The following ALOX15 variants were observed in gnomAD, a reference collection of about 807,000 sequenced individuals.
ALOX15 encodes the protein arachidonate 15-lipoxygenase.
Under a neutral mutation model 71.7 loss-of-function variants are expected in ALOX15, and 68 were observed. The observed-to-expected ratio is 0.95, with a 90% CI of 0.78 to 1.16. The LOEUF (loss-of-function observed/expected upper bound fraction) is 1.16. ALOX15 is among the 50% of genes most tolerant of loss of function. ALOX15 has a pLI of 0.00. For synonymous variants in ALOX15, 346 were observed against 333.3 expected (o/e 1.04, Z -0.42); for missense variants, 798 against 818.8 (o/e 0.97, Z 0.31).
Position 4,638,120 on chromosome 17 carries a change from C to T in ALOX15, c.807+97G>A, listed in dbSNP as rs541989273. On this transcript the variant is annotated intron_variant, in intron 6 of 13. Transcript: ENST00000293761. ...TGCAGAATCCGTCCTTGCTGGCTGG[C>T]AGCAAGCCAGGCCCACAGTGGGTCC... 120 of 587,992 alleles carry T rather than the reference C, an allele frequency of 2.0e-4. 1 individual carries two copies. The South Asian group carries it at 2.4e-3, about 12-fold the overall frequency. 36.4% of individuals were successfully genotyped at this position (587,992 alleles called of 1,614,324 possible).
intron 1 of ALOX15, chr17:4,639,896 C>T (rs972125616): frequency 1.7e-5 from 7 of 421,106 alleles, no homozygotes; most frequent in Non-Finnish European, 2.9e-5. Context: ...CTGTGCCAAG[C>T]GCTGGGCTGA....
chr17:4,638,754 G>C lies in ALOX15; in HGVS notation c.543-70C>G, dbSNP rs73973323. On this transcript the variant is annotated intron_variant, in intron 4 of 13. Transcript: ENST00000293761. ...CTCTAACATGACGACCACAGGCACC[G>C]ATCCTGGGCCAGTCCAATGCAGTGC... The C allele has an allele frequency of 3.1e-6, 5 of 1,612,706 alleles. No individual in the cohort carries two copies. In the African/African-American group the frequency reaches 4.0e-5, roughly 13 times the overall value.
In ALOX15 at chr17:4,632,072, G is replaced by T; in HGVS notation, c.1642-16C>A. 1.2e-6 allele frequency: 2 copies of T among 1,609,710 alleles called. No individual in the cohort carries two copies. Among genetic ancestry groups the T allele is most frequent in the South Asian group, 1.1e-5 (1 of 90,664 alleles). On this transcript the variant is annotated splice_polypyrimidine_tract_variant and intron_variant, in intron 12 of 13. Coordinates refer to ENST00000293761, the MANE Select transcript of ALOX15 (RefSeq NM_001140.5). ...ACCAGTCCAGCTAAGGAAGGGCAGG[G>T]ATCCAGAGTCAGTGCCTACCAAGCA...
Position 4,631,598 on chromosome 17 carries a change from G to A in ALOX15, c.*2C>T, listed in dbSNP as rs976133157. The stretch of plus-strand genomic sequence containing the variant: ...GCTGAAATAACCAAAGGGTGGCGAC[G>A]CTTAGATGGCCACACTGTTTTCCAC... On this transcript the variant is annotated 3_prime_UTR_variant, in exon 14 of 14. Transcript: ENST00000293761. The A allele has an allele frequency of 1.2e-6, 2 of 1,612,504 alleles. No homozygotes were observed. Among genetic ancestry groups the A allele is most frequent in the Non-Finnish European group, 1.7e-6 (2 of 1,179,982 alleles).
chr17:4,638,433 C>T (rs1911189891), intron 5 of ALOX15, 56 bp from the exon 6 acceptor site: 1 of 774,258 alleles, frequency 1.3e-6, no homozygotes, highest in African/African-American at 1.6e-5. Context: ...GTCCTTCCAA[C>T]CCCACCAACC....
intron 4 of ALOX15, 80 bp downstream of exon 4, chr17:4,638,770 A>T: frequency 2.5e-6 from 4 of 1,613,040 alleles, no homozygotes; most frequent in Non-Finnish European, 3.4e-6. Flanking sequence ...GGGCCAGTCC[A>T]ATGCAGTGCA....
At chr17:4,640,411 C>T (rs1346629608) in intron 1 of ALOX15, among the ~76,000 whole-genome samples, 4 of 144,644 alleles carry the variant, frequency 2.8e-5, no homozygotes, top group African/African-American at 8.2e-5. Flanking sequence ...CTCCGGCGAC[C>T]GCAGTTTCCA....
In ALOX15 at chr17:4,631,539, A is replaced by C. The variant is rs916055; in HGVS notation, c.*61T>G. 35 of 1,588,222 alleles carry C rather than the reference A, an allele frequency of 2.2e-5. No homozygotes were observed. In the Admixed American group the frequency reaches 2.2e-4, roughly 10 times the overall value. On this transcript the variant is annotated 3_prime_UTR_variant, in exon 14 of 14. Transcript: ENST00000293761. Reference sequence around the variant, plus strand: ...GACTTGGGAGGGCAGGGCTATAACCACGAAGGGGTCAGCTTGTGGCTTGGG... The same window carrying C: ...GACTTGGGAGGGCAGGGCTATAACCCCGAAGGGGTCAGCTTGTGGCTTGGG...
rs750102405 is a variant in ALOX15 at position 4,641,608 on chromosome 17, T to C, written c.44A>G (p.Tyr15Cys). The change falls in exon 1 of 14, where the codon TAT becomes TGT. Residue 15 changes from tyrosine (Y) to cysteine (C), a missense_variant. Around this residue, in one of 3 missense-constraint regions of ALOX15, gnomAD observed 300 missense variants for 283.1 expected, o/e 1.06. Transcript: ENST00000293761. ...RIRVSTGASL[Y>C]AGSNNQVQLW... Reference sequence around the variant, plus strand: ...CTGCACCTGGTTGTTGGAACCGGCATAGAGCGAGGCCCCAGTGGACACGCG... The same window carrying C: ...CTGCACCTGGTTGTTGGAACCGGCACAGAGCGAGGCCCCAGTGGACACGCG... 1.2e-5 allele frequency: 19 copies of C among 1,613,736 alleles called. No homozygotes were observed. Among genetic ancestry groups the C allele is most frequent in the African/African-American group, 2.7e-5 (2 of 74,926 alleles).
Position 4,632,023 on chromosome 17 carries a change from A to T in ALOX15, c.1675T>A (p.Cys559Ser). ...GTTGGCGGGGGCAGCCGCATCGTGCAGGGTGCATTAGGCACCCAAGAGTAC... is the reference window on the plus strand; with the variant it reads ...GTTGGCGGGGGCAGCCGCATCGTGCTGGGTGCATTAGGCACCCAAGAGTAC... ...DWYSWVPNAP[C>S]TMRLPPPTTK... The change falls in exon 13 of 14, where the codon TGC (cysteine) becomes AGC (serine). Residue 559 changes from cysteine (C) to serine (S), a missense_variant. Physicochemically the swap from Cys to Ser is moderately radical, Grantham distance 112. This residue lies in a region of ALOX15 where 490 missense variants were observed against 509.4 expected (regional missense o/e 0.96). Coordinates refer to ENST00000293761, the MANE Select transcript of ALOX15 (RefSeq NM_001140.5). 6.2e-7 allele frequency: 1 copy of T among 1,613,060 alleles called. No individual in the cohort carries two copies. The highest frequency in any genetic ancestry group is 1.1e-5 in the South Asian group (1 of 90,920).
chr17:4,635,623 C>T, intron 8 of ALOX15, 136 bp downstream of exon 8: 1 of 842,030 alleles, frequency 1.2e-6, no homozygotes, highest in East Asian at 2.6e-5. Flanking sequence ...CCTGCTCATT[C>T]TCTGTTGCTC....
chr17:4,633,391 A>C, intron 9 of ALOX15, 23 bp downstream of exon 9: 1 of 1,613,006 alleles, frequency 6.2e-7, no homozygotes. Context: ...ACAGACCCAG[A>C]ATCTCCCTTT....
intron 8 of ALOX15, 78 bp from the exon 9 acceptor site, chr17:4,633,578 G>C: frequency 8.0e-7 from 1 of 1,251,570 alleles, no homozygotes. Context: ...GCTGACAGCA[G>C]GAAAGGCACC....
Position 4,635,856 on chromosome 17 carries a change from T to C in ALOX15, c.1064A>G (p.His355Arg), listed in dbSNP as rs148675878. The change falls in exon 8 of 14, where the codon CAT (histidine) becomes CGT (arginine). Residue 355 changes from histidine to arginine, a missense_variant. This residue lies in a region of ALOX15 where 490 missense variants were observed against 509.4 expected (regional missense o/e 0.96). Transcript: ENST00000293761. ...CWVRSSDFQL[H>R]ELQSHLLRGH... is the part of the protein sequence containing the mutation. ...CCTCAGAAGATGAGACTGCAGCTCA[T>C]GGAGCTGGAAGTCAGAGCTGCGCAC... The C allele has an allele frequency of 2.5e-5, 40 of 1,614,206 alleles. No individual in the cohort carries two copies. The African/African-American group carries it at 3.6e-4, about 15-fold the overall frequency.
Position 4,635,908 on chromosome 17 carries a change from T to C in ALOX15, c.1012A>G (p.Met338Val), listed in dbSNP as rs372512797. 9.3e-5 allele frequency: 150 copies of C among 1,614,050 alleles called. No individual in the cohort carries two copies. Among genetic ancestry groups the C allele is most frequent in the African/African-American group, 1.9e-4 (14 of 74,922 alleles). ...PPLFLPTDPP[M>V]AWLLAKCWVR... The stretch of plus-strand genomic sequence containing the variant: ...CAGCATTTGGCCAGAAGCCAGGCCA[T>C]TGGGGGATCCGTAGGCAAGAAAAGG... The change falls in exon 8 of 14, where the codon ATG (methionine) becomes GTG (valine). Residue 338 changes from methionine to valine, a missense_variant. Met to Val is a conservative substitution (Grantham distance 21). Around this residue, in one of 3 missense-constraint regions of ALOX15, gnomAD observed 490 missense variants for 509.4 expected, o/e 0.96. Transcript: ENST00000293761.
chr17:4,636,643 C>T (rs1203986028), intron 7 of ALOX15, among the ~76,000 whole-genome samples: 1 of 152,164 alleles, frequency 6.6e-6, no homozygotes, highest in African/African-American at 2.4e-5. Context: ...ACTGCCCACA[C>T]CGCGTGCCCA....
chr17:4,639,068 C>T lies in ALOX15; in HGVS notation c.402G>A (p.Glu134=). ...GGGCTCACCGGTACAACTTCCTTCT[C>T]TCTTCCAGCTCTTCTTCCCGGTGTT... The part of the protein sequence containing the change: ...FQKHREEELE[E]RRKLYRWGNW... The change falls in exon 3 of 14, where the codon GAG becomes GAA. Residue 134 remains glutamate (E), a synonymous_variant. Transcript: ENST00000293761. The T allele has an allele frequency of 6.2e-7, 1 of 1,614,246 alleles. No homozygotes were observed. Among genetic ancestry groups the T allele is most frequent in the Non-Finnish European group, 8.5e-7 (1 of 1,180,040 alleles).
chr17:4,633,107 C>T (rs780295285), intron 10 of ALOX15, 39 bp downstream of exon 10: 28 of 1,608,606 alleles, frequency 1.7e-5, no homozygotes, highest in Non-Finnish European at 2.3e-5. Flanking sequence ...TCTTCTCCAC[C>T]CCCACTTGCA....
intron 6 of ALOX15, among the ~76,000 whole-genome samples, chr17:4,637,909 A>C (rs1265388452): frequency 2.0e-5 from 3 of 151,696 alleles, no homozygotes; most frequent in African/African-American, 7.3e-5. Flanking sequence ...CAGCCACAGC[A>C]CTCTGATCCT....
Sources: gnomAD v4.1 joint callset for allele counts (sites outside exome capture counted in the v4.1 genomes callset) on GRCh38, gnomAD v4.1.1 for gene constraint, gnomAD v4.1.1 regional missense constraint, MANE v1.5 for transcripts, NCBI Gene and HGNC (gene_info 2026-07-23, HGNC 2026-07-21) for gene names.